HIF1A: variants seen among roughly 807,000 people sequenced by gnomAD.
HIF1A encodes the protein hypoxia inducible factor 1 subunit alpha.
In HIF1A, 24 loss-of-function variants were observed where a neutral mutation model predicts 92.7. The ratio of observed to expected loss-of-function variants is 0.26; its 90% CI spans 0.19 to 0.36. The LOEUF is 0.36. Among genes scored for constraint, HIF1A ranks in the 10% least tolerant of loss-of-function variants. HIF1A has a pLI of 1.00. For missense variants in HIF1A, 799 were observed against 998.5 expected (o/e 0.80, Z 2.69); for synonymous variants, 319 against 338.7 (o/e 0.94, Z 0.64).
chr14:61,714,273 C>G (rs144964771), intron 1 of HIF1A, among the ~76,000 whole-genome samples: 3 of 152,260 alleles, frequency 2.0e-5, no homozygotes, highest in African/African-American at 7.2e-5. Context: ...AGACAATGCT[C>G]AAAGCCATTT....
intron 1 of HIF1A, among the ~76,000 whole-genome samples, chr14:61,717,802 A>G (rs1176136413): frequency 6.6e-6 from 1 of 152,116 alleles, no homozygotes; most frequent in Non-Finnish European, 1.5e-5. Flanking sequence ...CGGGTGGATC[A>G]CTTGAGGTCT....
At chr14:61,708,443 C>A (rs558981326) in intron 1 of HIF1A, among the ~76,000 whole-genome samples, 1 of 152,252 alleles carries the variant, frequency 6.6e-6, no homozygotes, top group South Asian at 2.1e-4. Context: ...TTAGGTCTAA[C>A]ATTTAAGTCT....
intron 5 of HIF1A, 105 bp from the exon 6 acceptor site, chr14:61,727,348 T>G: frequency 1.2e-6 from 1 of 807,120 alleles, no homozygotes; most frequent in Non-Finnish European, 2.1e-6. Context: ...GACAGTAAAT[T>G]TTATCAAAGC....
intron 10 of HIF1A, 105 bp downstream of exon 10, chr14:61,738,478 T>TTG: frequency 9.4e-7 from 1 of 1,058,250 alleles, no homozygotes; most frequent in Non-Finnish European, 1.4e-6. Flanking sequence ...CAAATTACAT[T>TTG]TGTGTGTGTG....
intron 7 of HIF1A, among the ~76,000 whole-genome samples, chr14:61,733,564 T>G (rs2044601598): frequency 6.6e-6 from 1 of 152,200 alleles, no homozygotes; most frequent in African/African-American, 2.4e-5. Context: ...TGAGTTTGTG[T>G]GACTGATCAG....
intron 12 of HIF1A, among the ~76,000 whole-genome samples, chr14:61,743,787 T>C (rs10137529): frequency 0.87 from 132,520 of 152,196 alleles, 58,935 homozygotes; most frequent in Non-Finnish European, 0.96. Context: ...ATTTTAGATA[T>C]ACATAGTTCA....
chr14:61,706,182 A>G (rs559983539), intron 1 of HIF1A, among the ~76,000 whole-genome samples: 2 of 152,294 alleles, frequency 1.3e-5, no homozygotes, highest in South Asian at 2.1e-4. Context: ...CAGAGAAAGA[A>G]GAGTGATAGA....
At chr14:61,724,420 C>T (rs1317013044) in intron 4 of HIF1A, among the ~76,000 whole-genome samples, 2 of 147,694 alleles carry the variant, frequency 1.4e-5, no homozygotes, top group Non-Finnish European at 3.0e-5. Context: ...CCCTCCTTTG[C>T]TCTCATGGCA....
At chr14:61,717,418 G>A (rs2044375673) in intron 1 of HIF1A, among the ~76,000 whole-genome samples, 1 of 152,024 alleles carries the variant, frequency 6.6e-6, no homozygotes, top group Non-Finnish European at 1.5e-5. Context: ...TCCCTTGATT[G>A]GTTTCTGTCT....
chr14:61,745,364 G>A (rs923836689), intron 13 of HIF1A, among the ~76,000 whole-genome samples: 4 of 152,056 alleles, frequency 2.6e-5, no homozygotes, highest in South Asian at 2.1e-4. Flanking sequence ...TGGAGGTTGC[G>A]ATGAGCTGAG....
intron 1 of HIF1A, among the ~76,000 whole-genome samples, chr14:61,703,860 A>G (rs1239709127): frequency 6.6e-6 from 1 of 152,098 alleles, no homozygotes; most frequent in African/African-American, 2.4e-5. Context: ...ATTTGAATTC[A>G]TATTCTATAG....
intron 10 of HIF1A, chr14:61,739,997 C>G (rs2044686709): frequency 6.7e-6 from 1 of 150,094 alleles, no homozygotes; most frequent in Non-Finnish European, 1.5e-5. Context: ...ATTACATAGT[C>G]AGAAATATAT....
intron 4 of HIF1A, among the ~76,000 whole-genome samples, chr14:61,724,381 C>CTCTCTCTCTCTCT (rs71117849): frequency 6.9e-6 from 1 of 145,202 alleles, no homozygotes; most frequent in Non-Finnish European, 1.5e-5. Flanking sequence ...CTCTCTCTCT[C>CTCTCTCTCTCTCT]CCCCTCCCTC....
At chr14:61,697,926 G>T (rs1459251401) in intron 1 of HIF1A, 11 of 1,519,050 alleles carry the variant, frequency 7.2e-6, no homozygotes, top group Non-Finnish European at 9.7e-6. Flanking sequence ...AAAACCTGAA[G>T]AATTGGAAGA....
At chr14:61,710,060 T>G (rs2044288449) in intron 1 of HIF1A, among the ~76,000 whole-genome samples, 1 of 152,230 alleles carries the variant, frequency 6.6e-6, no homozygotes, top group Non-Finnish European at 1.5e-5. Context: ...TATGTGTGTA[T>G]AGCTACATAT....
Position 61,738,352 on chromosome 14 carries a change from C to T in HIF1A, c.1515C>T (p.Ser505=), listed in dbSNP as rs188592683. The T allele has an allele frequency of 6.2e-7, 1 of 1,608,464 alleles. No homozygotes were observed. The highest frequency in any genetic ancestry group is 2.2e-5 in the East Asian group (1 of 44,818). The part of the protein sequence containing the change: ...QDQTPSPSDG[S]TRQSSPEPNS... The stretch of plus-strand genomic sequence containing the variant: ...AGACACCTAGTCCTTCCGATGGAAG[C>T]ACTAGACAAAGTTCACCTGAGGTAG... Residue 505 remains serine (S), a synonymous_variant, in exon 10 of 15, where the codon AGC becomes AGT. Coordinates refer to ENST00000337138, the MANE Select transcript of HIF1A (RefSeq NM_001530.4).
chr14:61,745,866 A>T (rs750559079), intron 14 of HIF1A, 49 bp downstream of exon 14: 1 of 1,467,572 alleles, frequency 6.8e-7, no homozygotes, highest in South Asian at 1.2e-5. Context: ...AAAATACATG[A>T]AACATTTTTA....
At chr14:61,705,370 C>T (rs767736044) in intron 1 of HIF1A, among the ~76,000 whole-genome samples, 5 of 152,054 alleles carry the variant, frequency 3.3e-5, no homozygotes, top group Non-Finnish European at 7.4e-5. Flanking sequence ...AATGAAAACA[C>T]GGTTTTAAAA....
At chr14:61,704,737 G>A (rs2044218205) in intron 1 of HIF1A, among the ~76,000 whole-genome samples, 1 of 152,090 alleles carries the variant, frequency 6.6e-6, no homozygotes, top group Non-Finnish European at 1.5e-5. Context: ...CATGACTCAG[G>A]CACCTAACTA....
Sources: allele counts gnomAD v4.1 joint callset (sites outside exome capture counted in the v4.1 genomes callset), GRCh38; gene constraint gnomAD v4.1.1; transcripts MANE v1.5; gene names NCBI Gene and HGNC (gene_info 2026-07-23, HGNC 2026-07-21).